Variants in SLC4A10 observed in about 807,000 individuals in gnomAD.
SLC4A10 encodes the protein solute carrier family 4 member 10.
Under a neutral mutation model 137.7 loss-of-function variants are expected in SLC4A10, and 42 were observed. That is an observed-to-expected ratio of 0.30 (90% CI 0.24 to 0.39). The LOEUF (loss-of-function observed/expected upper bound fraction) is 0.39, where lower values mean the gene tolerates loss of function less well. Ranked by LOEUF, SLC4A10 falls within the 10% of genes least tolerant of loss-of-function variation. The probability of loss-of-function intolerance (pLI) is 1.00; values close to 1 mark genes in which losing one functional copy is unlikely to be tolerated. For missense variants in SLC4A10, 925 were observed against 1,355.0 expected (o/e 0.68, Z 4.98); for synonymous variants, 474 against 464.1 (o/e 1.02, Z -0.27).
intron 1 of SLC4A10, among the ~76,000 whole-genome samples, chr2:161,699,314 C>T (rs958362768): frequency 2.5e-4 from 38 of 152,258 alleles, no homozygotes; most frequent in African/African-American, 8.9e-4. Context: ...GCCACCGCAC[C>T]CGGCCGACAT....
intron 3 of SLC4A10, among the ~76,000 whole-genome samples, chr2:161,838,607 A>G (rs1384305240): frequency 6.6e-6 from 1 of 152,232 alleles, no homozygotes; most frequent in African/African-American, 2.4e-5. Flanking sequence ...TCCAGAATGT[A>G]TAAAGAAGTC....
At chr2:161,964,836 A>G (rs1196579331) in intron 22 of SLC4A10, among the ~76,000 whole-genome samples, 2 of 152,134 alleles carry the variant, frequency 1.3e-5, no homozygotes, top group African/African-American at 4.8e-5. Flanking sequence ...AGACTCCCAT[A>G]TTGGTTAAAA....
chr2:161,626,890 G>A (rs1431971714), intron 1 of SLC4A10, among the ~76,000 whole-genome samples: 2 of 152,076 alleles, frequency 1.3e-5, no homozygotes, highest in Admixed American at 1.3e-4. Flanking sequence ...AGAGCTCTGG[G>A]CTCTGTTTTA....
In SLC4A10 at chr2:161,799,447, G is replaced by T. The variant is rs139261479; in HGVS notation, c.131-5002G>T. 3.9e-5 allele frequency among the ~76,000 whole-genome samples: 6 copies of T among 151,930 alleles called. No homozygotes were observed. In the East Asian group the frequency reaches 1.2e-3, roughly 29 times the overall value. On this transcript the variant is annotated intron_variant, in intron 2 of 26. Coordinates refer to ENST00000446997, the MANE Select transcript of SLC4A10 (RefSeq NM_001178015.2). ...TGTTATTTCTGTACTATTCTTTACA[G>T]GACCTGAGGGGATTCTCTAGTTCTT...
At chr2:161,936,530 G>A (rs927397466) in intron 15 of SLC4A10, among the ~76,000 whole-genome samples, 8 of 151,956 alleles carry the variant, frequency 5.3e-5, no homozygotes, top group African/African-American at 9.7e-5. Flanking sequence ...TATGTGTCTA[G>A]GAATTTATCC....
chr2:161,929,581 A>G (rs972023766), intron 15 of SLC4A10, among the ~76,000 whole-genome samples: 1 of 152,212 alleles, frequency 6.6e-6, no homozygotes, highest in Non-Finnish European at 1.5e-5. Context: ...TGCTCCCGAT[A>G]GATGACAGAT....
chr2:161,950,659 A>G, intron 18 of SLC4A10, 28 bp from the exon 19 acceptor site: 1 of 1,561,630 alleles, frequency 6.4e-7, no homozygotes, highest in South Asian at 1.2e-5. Flanking sequence ...TCCAGTTCAT[A>G]ACTATGCACA....
At chr2:161,822,095 C>A (rs2057674415) in intron 3 of SLC4A10, among the ~76,000 whole-genome samples, 1 of 152,178 alleles carries the variant, frequency 6.6e-6, no homozygotes, top group Non-Finnish European at 1.5e-5. Context: ...GTTATAACCA[C>A]ATGTTTACTT....
At chr2:161,633,213 C>T (rs1055131350) in intron 1 of SLC4A10, among the ~76,000 whole-genome samples, 33 of 151,666 alleles carry the variant, frequency 2.2e-4, no homozygotes, top group Non-Finnish European at 1.5e-5. Context: ...CAGGGCATAA[C>T]TCCATTGTAG....
At chr2:161,677,075 T>C (rs2040349306) in intron 1 of SLC4A10, among the ~76,000 whole-genome samples, 1 of 152,062 alleles carries the variant, frequency 6.6e-6, no homozygotes, top group South Asian at 2.1e-4. Flanking sequence ...TGGGTGGTGT[T>C]TGGGTTGTTT....
intron 1 of SLC4A10, among the ~76,000 whole-genome samples, chr2:161,752,578 G>A (rs1469927861): frequency 1.3e-5 from 2 of 151,986 alleles, no homozygotes; most frequent in African/African-American, 2.4e-5. Flanking sequence ...ATTCATAATA[G>A]CCAGGATATA....
intron 15 of SLC4A10, among the ~76,000 whole-genome samples, chr2:161,922,292 A>G (rs745599676): frequency 2.0e-5 from 3 of 152,148 alleles, no homozygotes; most frequent in Non-Finnish European, 4.4e-5. Flanking sequence ...CAAAGCTACG[A>G]TGCATATTTT....
chr2:161,784,939 GA>G (rs910340939), intron 2 of SLC4A10, among the ~76,000 whole-genome samples: 29 of 149,692 alleles, frequency 1.9e-4, no homozygotes, highest in African/African-American at 6.6e-4. Flanking sequence ...AAAACAATAG[GA>G]AAAAATCAAT....
rs140994993 is a variant in SLC4A10 at position 161,742,590 on chromosome 2, G to A, written c.49-28383G>A. On this transcript the variant is annotated intron_variant, in intron 1 of 26. Coordinates refer to ENST00000446997, the MANE Select transcript of SLC4A10 (RefSeq NM_001178015.2). ...TGGGTAGCTGAGGTTACAAGTGCAC[G>A]CCACCAGACCTGGCTTTTTTTGTAT... 6.4e-3 allele frequency among the ~76,000 whole-genome samples: 968 copies of A among 151,548 alleles called. 9 individuals are homozygous for A. The highest frequency in any genetic ancestry group is 0.022 in the African/African-American group (921 of 41,358).
At chr2:161,710,518 A>C (rs1345296213) in intron 1 of SLC4A10, 2 of 212,242 alleles carry the variant, frequency 9.4e-6, no homozygotes, top group Admixed American at 1.0e-4. Context: ...AAATCAGAGA[A>C]ATTTTTCTCT....
chr2:161,760,317 C>T (rs1286189846), intron 1 of SLC4A10, among the ~76,000 whole-genome samples: 2 of 151,948 alleles, frequency 1.3e-5, no homozygotes, highest in African/African-American at 4.8e-5. Context: ...CTTATATCAT[C>T]TTTCCAGTTA....
intron 2 of SLC4A10, among the ~76,000 whole-genome samples, chr2:161,773,496 A>G (rs974756425): frequency 2.6e-5 from 4 of 151,928 alleles, no homozygotes; most frequent in African/African-American, 9.7e-5. Context: ...GGAGTTGGGA[A>G]TTGCTATTAC....
At chr2:161,886,008 C>A (rs750394383) in intron 10 of SLC4A10, among the ~76,000 whole-genome samples, 1 of 151,740 alleles carries the variant, frequency 6.6e-6, no homozygotes, top group East Asian at 1.9e-4. Flanking sequence ...GTGAGGTGGG[C>A]GGATCACTTG....
chr2:161,626,134 G>A (rs748314168), intron 1 of SLC4A10, among the ~76,000 whole-genome samples: 13 of 152,070 alleles, frequency 8.5e-5, no homozygotes, highest in Non-Finnish European at 1.8e-4. Flanking sequence ...ATCGTGGTAT[G>A]GGGATTAGGG....
Sources: gnomAD v4.1 joint callset for allele counts (sites outside exome capture counted in the v4.1 genomes callset) on GRCh38, gnomAD v4.1.1 for gene constraint, MANE v1.5 for transcripts, NCBI Gene and HGNC (gene_info 2026-07-23, HGNC 2026-07-21) for gene names.